DMD: variants seen among roughly 807,000 people sequenced by gnomAD.
The protein encoded by DMD is dystrophin.
Under a neutral mutation model 330.1 loss-of-function variants are expected in DMD, and 63 were observed. The observed-to-expected ratio is 0.19, with a 90% CI of 0.16 to 0.24. DMD has a LOEUF of 0.24. Ranked by LOEUF, DMD falls within the 10% of genes least tolerant of loss-of-function variation. DMD has a pLI of 1.00. For synonymous variants in DMD, 1,223 were observed against 959.8 expected (o/e 1.27, Z -5.07); for missense variants, 3,344 against 2,684.1 (o/e 1.25, Z -5.43).
chrX:32,828,852 T>G (rs1214457055), intron 4 of DMD, among the ~76,000 whole-genome samples: 1 of 111,606 alleles, frequency 9.0e-6, no homozygotes, highest in East Asian at 2.8e-4. Context: ...CTTTGTTAAC[T>G]TTTATTTCCA....
chrX:32,393,555 T>C (rs1027996069), intron 30 of DMD, among the ~76,000 whole-genome samples: 6 of 111,550 alleles, frequency 5.4e-5, no homozygotes, highest in Admixed American at 9.5e-5. Flanking sequence ...ATCAGCAGTA[T>C]GTTGAAGTGA....
intron 55 of DMD, among the ~76,000 whole-genome samples, chrX:31,538,729 T>C (rs1311414902): frequency 8.9e-6 from 1 of 111,884 alleles, no homozygotes; most frequent in East Asian, 2.8e-4. Flanking sequence ...ATATTTCTTA[T>C]ATATCGTAAA....
At chrX:32,870,973 A>AG (rs2082920866) in intron 2 of DMD, among the ~76,000 whole-genome samples, 7 of 75,509 alleles carry the variant, frequency 9.3e-5, no homozygotes, top group South Asian at 7.4e-4. Context: ...AAAAAAAAAA[A>AG]AAAAAAAAAA....
At chrX:32,422,918 G>A (rs1292734126) in intron 29 of DMD, among the ~76,000 whole-genome samples, 1 of 111,437 alleles carries the variant, frequency 9.0e-6, no homozygotes, top group African/African-American at 3.3e-5. Flanking sequence ...TAAGATGAAA[G>A]AGAGAGATGA....
intron 7 of DMD, among the ~76,000 whole-genome samples, chrX:32,783,109 C>T (rs1421768979): frequency 1.0e-5 from 1 of 99,658 alleles, no homozygotes; most frequent in Non-Finnish European, 2.0e-5. Context: ...TATATATACA[C>T]ACACACCATA....
At chrX:32,598,849 TA>T (rs2055867322) in intron 12 of DMD, among the ~76,000 whole-genome samples, 1 of 111,710 alleles carries the variant, frequency 9.0e-6, no homozygotes. Context: ...TGTGAGATGA[TA>T]GCATTAAAAT....
At chrX:33,275,782 C>G (rs2053224955) in intron 1 of DMD, among the ~76,000 whole-genome samples, 1 of 111,650 alleles carries the variant, frequency 9.0e-6, no homozygotes, top group Admixed American at 9.6e-5. Context: ...TGTTAACATC[C>G]TAGAAAATTG....
chrX:31,401,560 C>G (rs747847360), intron 60 of DMD, among the ~76,000 whole-genome samples: 1 of 111,380 alleles, frequency 9.0e-6, no homozygotes, highest in East Asian at 2.8e-4. Context: ...AACCCTGTAA[C>G]ATAGGTACTA....
rs56150142 is a variant in DMD at position 32,883,823 on chromosome X, CAAAAAAAAAAAAAA to C, written c.94-34017_94-34004del. 2.1e-3 allele frequency among the ~76,000 whole-genome samples: 65 copies of C among 30,339 alleles called. 2 individuals carry two copies. Among genetic ancestry groups the C allele is most frequent in the African/African-American group, 8.2e-3 (57 of 6,968 alleles). 26.3% of individuals were successfully genotyped at this position (30,339 alleles called of 115,157 possible). ...TGGGTGACAGAGCAAGACTCTGTTT[CAAAAAAAAAAAAAA>C]AAAAAAAAAAAAAAGAAAATGACTT... is the stretch of plus-strand genomic sequence containing the variant. On this transcript the variant is annotated intron_variant, in intron 2 of 78. Coordinates refer to ENST00000357033, the MANE Select transcript of DMD (RefSeq NM_004006.3).
intron 42 of DMD, among the ~76,000 whole-genome samples, chrX:32,299,117 G>T (rs1373151503): frequency 9.0e-6 from 1 of 110,602 alleles, no homozygotes; most frequent in Non-Finnish European, 1.9e-5. Context: ...AGGATGTTGG[G>T]CATCTCCTGA....
intron 44 of DMD, among the ~76,000 whole-genome samples, chrX:32,013,592 G>GA: frequency 8.9e-6 from 1 of 112,039 alleles, no homozygotes; most frequent in South Asian, 3.7e-4. Flanking sequence ...GGTAGGCAAT[G>GA]AATATTTATT....
At chrX:31,795,736 A>T (rs758679240) in intron 50 of DMD, among the ~76,000 whole-genome samples, 17 of 112,216 alleles carry the variant, frequency 1.5e-4, no homozygotes, top group Non-Finnish European at 2.8e-4. Context: ...GTAAAATATT[A>T]TGATACTTGC....
Position 32,501,763 on chromosome X carries a change from A to G in DMD, c.2372T>C (p.Met791Thr). Residue 791 changes from methionine (M) to threonine (T), a missense_variant, in exon 19 of 79, where the codon ATG (methionine) becomes ACG (threonine). Transcript: ENST00000357033. ...SRSAQALVEQ[M>T]VNEGVNADSI... Reference sequence around the variant, plus strand: ...TCAACTCGTGTAATTACCATTCACCATCTGTTCCACCAGGGCCTGAGCTGA... The same window carrying G: ...TCAACTCGTGTAATTACCATTCACCGTCTGTTCCACCAGGGCCTGAGCTGA... The G allele has an allele frequency of 8.3e-7, 1 of 1,205,721 alleles. No individual in the cohort carries two copies. Among genetic ancestry groups the G allele is most frequent in the Non-Finnish European group, 1.1e-6 (1 of 890,455 alleles).
At chrX:31,686,497 C>T (rs2082697677) in intron 52 of DMD, among the ~76,000 whole-genome samples, 1 of 112,176 alleles carries the variant, frequency 8.9e-6, no homozygotes, top group South Asian at 3.7e-4. Flanking sequence ...CTCTGAATTT[C>T]CTTTGTTTCT....
chrX:31,713,908 TTA>T (rs1327624101), intron 52 of DMD, among the ~76,000 whole-genome samples: 2 of 111,923 alleles, frequency 1.8e-5, no homozygotes, highest in Admixed American at 1.9e-4. Flanking sequence ...CTAATGCAAA[TTA>T]TTAAGTATAA....
intron 50 of DMD, among the ~76,000 whole-genome samples, chrX:31,801,098 G>A (rs1038648928): frequency 2.7e-5 from 3 of 111,408 alleles, no homozygotes; most frequent in African/African-American, 6.5e-5. Context: ...GTATTAGTCC[G>A]TTCTCATGCT....
At chrX:32,519,132 A>G (rs1267176086) in intron 17 of DMD, among the ~76,000 whole-genome samples, 1 of 101,157 alleles carries the variant, frequency 9.9e-6, no homozygotes, top group Non-Finnish European at 2.0e-5. Context: ...ATGGAATAGT[A>G]TTAAGCCTTT....
chrX:31,609,935 C>T (rs978758781), intron 55 of DMD, among the ~76,000 whole-genome samples: 30 of 111,290 alleles, frequency 2.7e-4, no homozygotes, highest in African/African-American at 9.1e-4. Context: ...TTTCACTAGG[C>T]CAGAGTAGTC....
At chrX:31,968,262 C>T in intron 45 of DMD, 77 bp downstream of exon 45, 1 of 1,122,566 alleles carries the variant, frequency 8.9e-7, no homozygotes, top group Non-Finnish European at 1.2e-6. Flanking sequence ...CTTATAATCT[C>T]TCATGAAATA....
Sources: gnomAD v4.1 joint callset for allele counts (sites outside exome capture counted in the v4.1 genomes callset) on GRCh38, gnomAD v4.1.1 for gene constraint, MANE v1.5 for transcripts, NCBI Gene and HGNC (gene_info 2026-07-23, HGNC 2026-07-21) for gene names.